Variants in NHSL2 observed in about 807,000 individuals in gnomAD.
NHSL2 encodes the protein NHS-like protein 2.
In NHSL2, 27 loss-of-function variants were observed where a neutral mutation model predicts 53.4. That is an observed-to-expected ratio of 0.51 (90% confidence interval 0.37 to 0.70). The LOEUF is 0.70. NHSL2 is among the 30% of genes least tolerant of loss of function. The pLI is 0.00. For synonymous variants in NHSL2, 408 were observed against 404.1 expected, an observed-to-expected ratio of 1.01 and a Z score of -0.12; for missense variants, 892 against 980.1, an observed-to-expected ratio of 0.91 and a Z score of 1.20.
At chrX:72,120,171 C>T (rs765606431) in intron 1 of NHSL2, among the ~76,000 whole-genome samples, 1 of 111,847 alleles carries the variant, frequency 8.9e-6, no homozygotes, top group South Asian at 3.7e-4. Context: ...GTAGTTTTTT[C>T]GTGATGTTTT....
chrX:72,089,670 A>G (rs1034780020), intron 1 of NHSL2, among the ~76,000 whole-genome samples: 3 of 110,951 alleles, frequency 2.7e-5, no homozygotes, highest in Non-Finnish European at 3.8e-5. Flanking sequence ...CAACCACAGC[A>G]ACACCCAAGC....
At chrX:72,098,047 C>T (rs1306693425) in intron 1 of NHSL2, among the ~76,000 whole-genome samples, 5 of 112,008 alleles carry the variant, frequency 4.5e-5, no homozygotes, top group African/African-American at 1.3e-4. Context: ...GATGTATTTC[C>T]ACTAGGTAGG....
At chrX:71,967,859 A>T (rs1480498082) in intron 1 of NHSL2, among the ~76,000 whole-genome samples, 2 of 111,153 alleles carry the variant, frequency 1.8e-5, no homozygotes, top group Non-Finnish European at 3.8e-5. Flanking sequence ...TCTAATTTTG[A>T]GGGCAGAGGT....
intron 1 of NHSL2, among the ~76,000 whole-genome samples, chrX:71,996,808 C>A (rs1347373649): frequency 9.0e-6 from 1 of 111,705 alleles, no homozygotes; most frequent in Admixed American, 9.5e-5. Flanking sequence ...TTCGTTCTTC[C>A]TTCAGCTCCA....
chrX:71,947,446 A>ATG (rs1292452241), intron 1 of NHSL2, among the ~76,000 whole-genome samples: 1 of 112,550 alleles, frequency 8.9e-6, no homozygotes, highest in Admixed American at 9.4e-5. Flanking sequence ...AGCACTTTTC[A>ATG]TGTGCTATAC....
intron 1 of NHSL2, among the ~76,000 whole-genome samples, chrX:71,913,852 G>A (rs908291314): frequency 8.9e-6 from 1 of 112,407 alleles, no homozygotes; most frequent in East Asian, 2.8e-4. Flanking sequence ...GAGAGGAGGA[G>A]CGAGATAGAG....
intron 1 of NHSL2, among the ~76,000 whole-genome samples, chrX:72,061,711 C>A (rs898933725): frequency 8.9e-6 from 1 of 112,186 alleles, no homozygotes; most frequent in Non-Finnish European, 1.9e-5. Context: ...CACCTCTTAC[C>A]CCCTACCTCT....
At chrX:72,059,194 C>T (rs1286417514) in intron 1 of NHSL2, among the ~76,000 whole-genome samples, 1 of 111,009 alleles carries the variant, frequency 9.0e-6, no homozygotes, top group Non-Finnish European at 1.9e-5. Flanking sequence ...ATCTCCATAT[C>T]ACCACCATGG....
rs185481330 is a variant in NHSL2, at chrX:72,037,376, T to A, written c.281-94703T>A. ...AGGTGGAGCTTGCAGTGAGCCGAGA[T>A]GGCGCCACTGCACTCCAGCCTGAGC... On this transcript the variant is annotated intron_variant, in intron 1 of 7. Coordinates refer to ENST00000633930, the MANE Select transcript of NHSL2 (RefSeq NM_001013627.3). Among the ~76,000 whole-genome samples the A allele has an allele frequency of 2.8e-4, 31 of 109,514 alleles. 1 individual carries two copies. In the South Asian group the frequency reaches 6.9e-3, roughly 24 times the overall value.
At chrX:71,941,406 CAGA>C (rs1308392552) in intron 1 of NHSL2, among the ~76,000 whole-genome samples, 1 of 111,393 alleles carries the variant, frequency 9.0e-6, no homozygotes, top group African/African-American at 3.3e-5. Context: ...CAACATCTTT[CAGA>C]AGGTTTTGTG....
intron 1 of NHSL2, among the ~76,000 whole-genome samples, chrX:71,917,875 A>G (rs2041636581): frequency 9.0e-6 from 1 of 111,639 alleles, no homozygotes; most frequent in South Asian, 3.8e-4. Flanking sequence ...CTGACTCAGA[A>G]TAAGCCCCCA....
intron 1 of NHSL2, among the ~76,000 whole-genome samples, chrX:72,063,694 G>T (rs1430969668): frequency 9.0e-6 from 1 of 111,193 alleles, no homozygotes; most frequent in African/African-American, 3.3e-5. Context: ...ATTTTTATTA[G>T]AATCTAGTAT....
At chrX:72,064,990 A>G (rs1484347327) in intron 1 of NHSL2, among the ~76,000 whole-genome samples, 1 of 112,105 alleles carries the variant, frequency 8.9e-6, no homozygotes, top group African/African-American at 3.2e-5. Flanking sequence ...CAGCCTTTCC[A>G]GACCCTCTCC....
intron 1 of NHSL2, among the ~76,000 whole-genome samples, chrX:71,933,498 G>A (rs1372511742): frequency 1.8e-5 from 2 of 111,041 alleles, no homozygotes; most frequent in Non-Finnish European, 3.8e-5. Context: ...ACATAAATTC[G>A]AGGAGTAGGA....
intron 1 of NHSL2, among the ~76,000 whole-genome samples, chrX:72,059,228 C>T (rs965938986): frequency 2.7e-5 from 3 of 110,831 alleles, no homozygotes; most frequent in African/African-American, 9.9e-5. Context: ...TCTGGCCCCA[C>T]CGCTCCACCC....
chrX:72,015,015 T>C (rs2042130115), intron 1 of NHSL2, among the ~76,000 whole-genome samples: 1 of 111,075 alleles, frequency 9.0e-6, no homozygotes, highest in Admixed American at 9.6e-5. Context: ...GGTATTTGGC[T>C]AAAGAATTAG....
Position 72,148,369 on chromosome X carries a change from C to T in NHSL2, c.*4795C>T, listed in dbSNP as rs1042790660. The stretch of plus-strand genomic sequence containing the variant: ...TTACCTTTACAAGCTTCTGCTTTCC[C>T]TGCTTCATCTCTGTTATGGGCTATC... On this transcript the variant is annotated 3_prime_UTR_variant, in exon 8 of 8. Coordinates refer to ENST00000633930, the MANE Select transcript of NHSL2 (RefSeq NM_001013627.3). The T allele has an allele frequency of 9.0e-6, 1 of 111,279 alleles. No homozygotes were observed. The highest frequency in any genetic ancestry group is 3.3e-5 in the African/African-American group (1 of 30,570). The allele number at this position is 111,279 out of a possible 1,213,427, so 9.2% of individuals were successfully genotyped here. A position where few individuals can be genotyped will look rare whatever the true frequency, so the allele number is the denominator to read the frequency against.
intron 1 of NHSL2, chrX:72,128,346 C>T (rs1406143681): frequency 8.9e-6 from 1 of 112,687 alleles, no homozygotes; most frequent in African/African-American, 3.2e-5. Flanking sequence ...TTCCCTTTGG[C>T]CACAAACCCT....
chrX:71,976,236 GATTTAGTCCCAGCTGCC>G (rs1249617646), intron 1 of NHSL2, among the ~76,000 whole-genome samples: 5 of 112,221 alleles, frequency 4.5e-5, no homozygotes, highest in Non-Finnish European at 9.4e-5. Context: ...TGGCTGTGTA[GATTTAGTCCCAGCTGCC>G]ATTTATAAGC....
Sources: allele counts gnomAD v4.1 joint callset (sites outside exome capture counted in the v4.1 genomes callset), GRCh38; gene constraint gnomAD v4.1.1; transcripts MANE v1.5; gene names NCBI Gene and HGNC (gene_info 2026-07-23, HGNC 2026-07-21).